MGAT4C: variants seen among roughly 807,000 people sequenced by gnomAD.
MGAT4C encodes the protein alpha-1,3-mannosyl-glycoprotein 4-beta-N-acetylglucosaminyltransferase C.
Under a neutral mutation model 40.1 loss-of-function variants are expected in MGAT4C, and 19 were observed. The observed-to-expected ratio is 0.47, with a 90% CI of 0.33 to 0.70. MGAT4C has a LOEUF of 0.70. Ranked by LOEUF, MGAT4C falls within the 30% of genes least tolerant of loss-of-function variation. MGAT4C has a pLI of 0.02. For missense variants in MGAT4C, 491 were observed against 563.2 expected (o/e 0.87, Z 1.30); for synonymous variants, 181 against 187.1 (o/e 0.97, Z 0.27).
chr12:86,338,488 G>A lies in MGAT4C; in HGVS notation c.-119-4361C>T, dbSNP rs192521730. ...TCCTACAAAGGCAGTTGAGTTCCCC[G>A]GTAAGAAGGAGGTTTGTTTTGGGAA... is the stretch of plus-strand genomic sequence containing the variant. On this transcript the variant is annotated intron_variant, in intron 3 of 7. Transcript: ENST00000548651. Among the ~76,000 whole-genome samples, 7 of 152,208 alleles carry A rather than the reference G, an allele frequency of 4.6e-5. No individual in the cohort carries two copies. The East Asian group carries it at 7.7e-4, about 17-fold the overall frequency.
chr12:85,984,064 G>T (rs1207214033), intron 3 of MGAT4C, among the ~76,000 whole-genome samples: 1 of 152,162 alleles, frequency 6.6e-6, no homozygotes, highest in Non-Finnish European at 1.5e-5. Flanking sequence ...TCTAAGGCTA[G>T]TTCCCACCAT....
At chr12:86,533,093 C>A (rs866551671) in intron 2 of MGAT4C, among the ~76,000 whole-genome samples, 3 of 151,866 alleles carry the variant, frequency 2.0e-5, no homozygotes, top group Non-Finnish European at 4.4e-5. Flanking sequence ...ATAAACTGGC[C>A]ATGTCAGAAT....
At chr12:86,418,205 G>A (rs2136252395) in intron 3 of MGAT4C, among the ~76,000 whole-genome samples, 1 of 152,150 alleles carries the variant, frequency 6.6e-6, no homozygotes, top group Non-Finnish European at 1.5e-5. Flanking sequence ...ACTAACTGTA[G>A]GTAGATTGAA....
At chr12:86,105,284 T>A (rs935914415) in intron 1 of MGAT4C, among the ~76,000 whole-genome samples, 1 of 151,766 alleles carries the variant, frequency 6.6e-6, no homozygotes, top group Admixed American at 6.6e-5. Flanking sequence ...GGCAGGGGAG[T>A]CTGATTGAAT....
At chr12:86,055,342 T>G (rs1320405915) in intron 1 of MGAT4C, among the ~76,000 whole-genome samples, 1 of 151,972 alleles carries the variant, frequency 6.6e-6, no homozygotes, top group Non-Finnish European at 1.5e-5. Flanking sequence ...ATAAGATATA[T>G]GTGTAAAAAT....
At chr12:86,537,415 A>T (rs532416024) in intron 2 of MGAT4C, among the ~76,000 whole-genome samples, 1 of 152,256 alleles carries the variant, frequency 6.6e-6, no homozygotes, top group East Asian at 1.9e-4. Context: ...TTGTTAACTT[A>T]GTTATAAAAG....
chr12:86,736,348 C>T, intron 1 of MGAT4C, among the ~76,000 whole-genome samples: 1 of 151,798 alleles, frequency 6.6e-6, no homozygotes. Flanking sequence ...CTTTTGAAGC[C>T]ACTGAAACCT....
chr12:85,980,159 G>A lies in MGAT4C; in HGVS notation c.567C>T (p.Tyr189=), dbSNP rs776093722. ...ATTTGACTCTATCTTCTGGATCATT[G>A]TAATTTCTTTTAAGGCCATCTAGGA... ...YPILDGLKRN[Y]NDPEDRVKFR... The change falls in exon 5 of 5, where the codon TAC becomes TAT. Residue 189 remains tyrosine, a synonymous_variant. Transcript: ENST00000611864. The A allele has an allele frequency of 6.2e-7, 1 of 1,613,928 alleles. No individual in the cohort carries two copies. Among genetic ancestry groups the A allele is most frequent in the Non-Finnish European group, 8.5e-7 (1 of 1,179,892 alleles).
chr12:86,155,465 T>A (rs564915329), intron 1 of MGAT4C, among the ~76,000 whole-genome samples: 1 of 152,278 alleles, frequency 6.6e-6, no homozygotes, highest in East Asian at 1.9e-4. Flanking sequence ...GTGGTTTAGG[T>A]GCTCTAAACA....
Position 86,688,931 on chromosome 12 carries a change from G to C in MGAT4C, c.-229+38278C>G, listed in dbSNP as rs974276623. On this transcript the variant is annotated intron_variant, in intron 2 of 7. Transcript: ENST00000548651. ...GGGAAGTTCTCCTGGATAATATCCT[G>C]AAGTGTGTTTGCCAACTTGGTTCCA... Among the ~76,000 whole-genome samples the C allele has an allele frequency of 7.2e-5, 11 of 152,284 alleles. No homozygotes were observed. The East Asian group carries it at 1.9e-3, about 27-fold the overall frequency.
intron 2 of MGAT4C, among the ~76,000 whole-genome samples, chr12:86,558,126 T>A (rs917189047): frequency 6.6e-6 from 1 of 151,872 alleles, no homozygotes; most frequent in African/African-American, 2.4e-5. Flanking sequence ...CACAAAAAAA[T>A]TCTGAACTTG....
chr12:86,412,999 C>T (rs555215128), intron 3 of MGAT4C, among the ~76,000 whole-genome samples: 5 of 152,262 alleles, frequency 3.3e-5, no homozygotes, highest in African/African-American at 1.2e-4. Context: ...TCCTCCTGCT[C>T]TGGCCATGTA....
At chr12:86,549,980 G>A (rs1959267430) in intron 2 of MGAT4C, among the ~76,000 whole-genome samples, 2 of 152,102 alleles carry the variant, frequency 1.3e-5, no homozygotes, top group African/African-American at 2.4e-5. Flanking sequence ...TGTCCAGGGA[G>A]GAACCTGTAA....
exon 3 of MGAT4C, chr12:86,435,254 G>C (rs1957116335): frequency 6.6e-6 from 1 of 151,904 alleles, no homozygotes; most frequent in South Asian, 2.1e-4. Flanking sequence ...TGATCTGGCT[G>C]ATCTCCAGTT....
At chr12:86,709,324 C>A (rs1565940739) in intron 2 of MGAT4C, among the ~76,000 whole-genome samples, 1 of 152,110 alleles carries the variant, frequency 6.6e-6, no homozygotes. Context: ...GTCCATTAAA[C>A]CTCTTTCTTT....
rs1390150135 is a variant in MGAT4C, at chr12:85,960,194, A to T, written c.*19095T>A. ...CAAAGGACTACCCACTAAGAATAAA[A>T]ACATGATACAACTTGAAGAAATTTT... On this transcript the variant is annotated 3_prime_UTR_variant, in exon 5 of 5. Coordinates refer to ENST00000611864, the MANE Select transcript of MGAT4C (RefSeq NM_001351288.2). The T allele has an allele frequency of 1.3e-5, 2 of 152,096 alleles. No individual in the cohort carries two copies. Among genetic ancestry groups the T allele is most frequent in the African/African-American group, 4.8e-5 (2 of 41,458 alleles). 9.4% of individuals were successfully genotyped at this position (152,096 alleles called of 1,614,324 possible).
chr12:86,191,358 T>C (rs6538024), intron 1 of MGAT4C, among the ~76,000 whole-genome samples: 112,500 of 151,322 alleles, frequency 0.74, 42,432 homozygotes, highest in Non-Finnish European at 0.8. Flanking sequence ...GAAAACTACG[T>C]GAAATGTCTC....
chr12:86,084,524 A>C (rs1310080068), intron 1 of MGAT4C, among the ~76,000 whole-genome samples: 2 of 151,886 alleles, frequency 1.3e-5, no homozygotes, highest in African/African-American at 4.8e-5. Flanking sequence ...TATGTGGTCT[A>C]TTTGCAACTG....
intron 2 of MGAT4C, among the ~76,000 whole-genome samples, chr12:86,590,328 T>A (rs551611453): frequency 6.6e-6 from 1 of 152,034 alleles, no homozygotes; most frequent in East Asian, 1.9e-4. Flanking sequence ...CATACCTAAG[T>A]GTGTCTCTTT....
Sources: gnomAD v4.1 joint callset for allele counts (sites outside exome capture counted in the v4.1 genomes callset) on GRCh38, gnomAD v4.1.1 for gene constraint, MANE v1.5 for transcripts, NCBI Gene and HGNC (gene_info 2026-07-23, HGNC 2026-07-21) for gene names.